The following PLS1 variants were observed in gnomAD, a reference collection of about 807,000 sequenced individuals.
PLS1 encodes the protein plastin 1.
PLS1 carries 32 observed loss-of-function variants against 73.7 expected under a neutral mutation model. The observed-to-expected ratio is 0.43, with a 90% confidence interval of 0.33 to 0.58. The LOEUF (loss-of-function observed/expected upper bound fraction) is 0.58, where lower values mean the gene tolerates loss of function less well. Ranked by LOEUF, PLS1 falls within the 20% of genes least tolerant of loss-of-function variation. The probability of loss-of-function intolerance (pLI) is 0.04; values close to 1 mark genes in which losing one functional copy is unlikely to be tolerated. For synonymous variants in PLS1, 217 were observed against 261.3 expected (o/e 0.83, Z 1.63); for missense variants, 633 against 740.5 (o/e 0.85, Z 1.68).
At chr3:142,610,898 T>G (rs898143615) in intron 1 of PLS1, among the ~76,000 whole-genome samples, 7 of 152,204 alleles carry the variant, frequency 4.6e-5, no homozygotes. Context: ...CTAGGCCTCA[T>G]CTGTCTCTAC....
intron 6 of PLS1, among the ~76,000 whole-genome samples, chr3:142,681,107 A>C (rs1196523789): frequency 6.6e-6 from 1 of 152,138 alleles, no homozygotes; most frequent in African/African-American, 2.4e-5. Flanking sequence ...TGTGCTATCT[A>C]AAAATAAAAC....
chr3:142,675,098 CT>C (rs2037692359), intron 4 of PLS1, among the ~76,000 whole-genome samples: 1 of 152,114 alleles, frequency 6.6e-6, no homozygotes, highest in African/African-American at 2.4e-5. Flanking sequence ...TTGAATAACT[CT>C]TGACTGAATT....
At chr3:142,605,328 T>C (rs1362695758) in intron 1 of PLS1, among the ~76,000 whole-genome samples, 1 of 152,226 alleles carries the variant, frequency 6.6e-6, no homozygotes, top group Non-Finnish European at 1.5e-5. Flanking sequence ...TGCCAGAAAT[T>C]AAACTCATAA....
intron 11 of PLS1, among the ~76,000 whole-genome samples, chr3:142,696,758 A>C (rs73868117): frequency 2.1e-3 from 273 of 127,218 alleles, no homozygotes; most frequent in African/African-American, 0.011. Flanking sequence ...AATAATAATA[A>C]TACCATACTA....
chr3:142,642,016 T>C (rs2036853063), intron 1 of PLS1, among the ~76,000 whole-genome samples: 1 of 152,178 alleles, frequency 6.6e-6, no homozygotes, highest in Non-Finnish European at 1.5e-5. Context: ...CTTATGCAGC[T>C]TCCCACTTCA....
chr3:142,705,758 A>G (rs1173372813), intron 14 of PLS1, among the ~76,000 whole-genome samples: 3 of 152,230 alleles, frequency 2.0e-5, no homozygotes, highest in Admixed American at 6.5e-5. Flanking sequence ...TATCAGTTCA[A>G]TCTTCTCATG....
At chr3:142,636,895 TAGAA>T (rs1184518957) in intron 1 of PLS1, among the ~76,000 whole-genome samples, 2 of 152,188 alleles carry the variant, frequency 1.3e-5, no homozygotes, top group Non-Finnish European at 2.9e-5. Flanking sequence ...TGGCCAAAAT[TAGAA>T]AGATCGATCA....
chr3:142,686,445 C>A (rs1473935894), intron 9 of PLS1, 69 bp downstream of exon 9: 5 of 931,300 alleles, frequency 5.4e-6, no homozygotes, highest in Non-Finnish European at 8.9e-6. Context: ...CCATTTTTAT[C>A]ATTTTCAGTG....
At chr3:142,679,852 A>T (rs1280124648) in intron 6 of PLS1, among the ~76,000 whole-genome samples, 1 of 152,138 alleles carries the variant, frequency 6.6e-6, no homozygotes, top group African/African-American at 2.4e-5. Context: ...TGAATCTATA[A>T]ATTACCTTGG....
At chr3:142,706,262 A>G (rs1357641575) in intron 14 of PLS1, among the ~76,000 whole-genome samples, 1 of 152,222 alleles carries the variant, frequency 6.6e-6, no homozygotes, top group Non-Finnish European at 1.5e-5. Flanking sequence ...GAAGGTAACA[A>G]TACTACAGAG....
At chr3:142,692,822 C>G (rs2038113904) in intron 10 of PLS1, among the ~76,000 whole-genome samples, 2 of 152,014 alleles carry the variant, frequency 1.3e-5, no homozygotes, top group Admixed American at 1.3e-4. Flanking sequence ...TGTAAAACTT[C>G]TGTAACTATT....
intron 1 of PLS1, among the ~76,000 whole-genome samples, chr3:142,624,272 T>C (rs2036374169): frequency 6.6e-6 from 1 of 152,172 alleles, no homozygotes; most frequent in South Asian, 2.1e-4. Flanking sequence ...CACTGTTTCA[T>C]TGAATTTGGG....
At chr3:142,693,755 A>G (rs1179282390) in intron 10 of PLS1, among the ~76,000 whole-genome samples, 3 of 152,178 alleles carry the variant, frequency 2.0e-5, no homozygotes, top group East Asian at 3.9e-4. Flanking sequence ...GTATGGTTAA[A>G]TAACAGCACC....
At position 142,638,010 on chromosome 3, in the gene PLS1, C is replaced by CGT. The variant is rs540467193; in HGVS notation, c.-36-26186_-36-26185dup. Among the ~76,000 whole-genome samples, 493 of 152,220 alleles carry CGT rather than the reference C, an allele frequency of 3.2e-3. 10 individuals are homozygous for CGT. Among genetic ancestry groups the CGT allele is most frequent in the East Asian group, 5.8e-4 (3 of 5,188 alleles). On this transcript the variant is annotated intron_variant, in intron 1 of 15. Coordinates refer to ENST00000457734, the MANE Select transcript of PLS1 (RefSeq NM_001145319.2). Reference sequence around the variant, plus strand: ...ATCGGAAAAGGTGATAGTTGCAATCCGTGTGTGAGATGTGAGTGTAGGGGC... The same window carrying CGT: ...ATCGGAAAAGGTGATAGTTGCAATCCGTGTGTGTGAGATGTGAGTGTAGGGGC...
chr3:142,631,335 G>C (rs1287895817), intron 1 of PLS1, among the ~76,000 whole-genome samples: 1 of 152,042 alleles, frequency 6.6e-6, no homozygotes, highest in Non-Finnish European at 1.5e-5. Flanking sequence ...CCAACATGGT[G>C]AAACCCCGTT....
At chr3:142,631,869 G>A (rs1210096412) in intron 1 of PLS1, among the ~76,000 whole-genome samples, 1 of 151,838 alleles carries the variant, frequency 6.6e-6, no homozygotes, top group East Asian at 1.9e-4. Flanking sequence ...TAGACACATG[G>A]GACTTCATCA....
intron 1 of PLS1, 28 bp from the exon 2 acceptor site, chr3:142,664,174 G>A: frequency 1.1e-6 from 1 of 900,884 alleles, no homozygotes; most frequent in Non-Finnish European, 1.8e-6. Context: ...AAGGCTTCAT[G>A]CTTTTTTTAT....
chr3:142,700,505 A>G (rs1035228843), intron 12 of PLS1, among the ~76,000 whole-genome samples: 1 of 151,986 alleles, frequency 6.6e-6, no homozygotes, highest in Non-Finnish European at 1.5e-5. Context: ...TTGTATTTTT[A>G]GTACAGACGG....
At chr3:142,683,591 A>T (rs1048567422) in intron 6 of PLS1, among the ~76,000 whole-genome samples, 1 of 152,260 alleles carries the variant, frequency 6.6e-6, no homozygotes. Flanking sequence ...TCAGTGCTGC[A>T]GTTTCCTCAT....
Sources: allele counts gnomAD v4.1 joint callset (sites outside exome capture counted in the v4.1 genomes callset), GRCh38; gene constraint gnomAD v4.1.1; transcripts MANE v1.5; gene names NCBI Gene and HGNC (gene_info 2026-07-23, HGNC 2026-07-21).